The following CNTN5 variants were observed in gnomAD, a reference collection of about 807,000 sequenced individuals.
CNTN5 encodes contactin-5.
Under a neutral mutation model 129.1 loss-of-function variants are expected in CNTN5, and 77 were observed. That is an observed-to-expected ratio of 0.60 (90% confidence interval 0.50 to 0.72). CNTN5 has a LOEUF of 0.72. Among genes scored for constraint, CNTN5 ranks in the 30% least tolerant of loss-of-function variants. The pLI is 0.00. For missense variants in CNTN5, 1,478 were observed against 1,328.8 expected, an observed-to-expected ratio of 1.11 and a Z score of -1.75; for synonymous variants, 509 against 465.6, an observed-to-expected ratio of 1.09 and a Z score of -1.20.
chr11:99,854,796 A>G (rs1947981603), intron 6 of CNTN5, among the ~76,000 whole-genome samples: 2 of 152,190 alleles, frequency 1.3e-5, no homozygotes, highest in African/African-American at 4.8e-5. Flanking sequence ...CAATAAAACC[A>G]TGGAAATGTT....
intron 13 of CNTN5, among the ~76,000 whole-genome samples, chr11:100,082,467 G>C (rs894566970): frequency 1.1e-4 from 16 of 152,078 alleles, no homozygotes; most frequent in African/African-American, 3.6e-4. Flanking sequence ...TTTTTAATTT[G>C]TTTTGGTAGA....
intron 1 of CNTN5, among the ~76,000 whole-genome samples, chr11:99,062,059 T>G (rs536771178): frequency 6.6e-6 from 1 of 152,042 alleles, no homozygotes; most frequent in African/African-American, 2.4e-5. Flanking sequence ...TGCCTCTTGA[T>G]TAAATTGGGC....
At chr11:99,314,260 T>C (rs1441457363) in intron 1 of CNTN5, among the ~76,000 whole-genome samples, 3 of 152,012 alleles carry the variant, frequency 2.0e-5, no homozygotes, top group Non-Finnish European at 4.4e-5. Flanking sequence ...TGCATACTGG[T>C]GTGTTATAAA....
intron 8 of CNTN5, among the ~76,000 whole-genome samples, chr11:99,973,861 A>G (rs2137318376): frequency 6.6e-6 from 1 of 152,350 alleles, no homozygotes; most frequent in East Asian, 1.9e-4. Flanking sequence ...GATATTTTGC[A>G]CATTTACCAT....
chr11:99,539,996 A>G (rs1247158251), intron 2 of CNTN5, among the ~76,000 whole-genome samples: 4 of 152,254 alleles, frequency 2.6e-5, no homozygotes, highest in Middle Eastern at 3.4e-3. Context: ...ATATGCAAAG[A>G]TGGTGAATTT....
At chr11:100,231,634 A>C (rs886179594) in intron 16 of CNTN5, among the ~76,000 whole-genome samples, 3 of 152,174 alleles carry the variant, frequency 2.0e-5, no homozygotes, top group Non-Finnish European at 4.4e-5. Flanking sequence ...GTGGTCCCCT[A>C]ATAGAGAATG....
chr11:100,214,273 C>T (rs1949095082), intron 15 of CNTN5, among the ~76,000 whole-genome samples: 1 of 152,118 alleles, frequency 6.6e-6, no homozygotes, highest in South Asian at 2.1e-4. Context: ...CCATAGAAAA[C>T]TGTGTATTTC....
At chr11:99,428,663 TAA>T (rs1282856723) in intron 2 of CNTN5, among the ~76,000 whole-genome samples, 1 of 151,860 alleles carries the variant, frequency 6.6e-6, no homozygotes, top group Non-Finnish European at 1.5e-5. Flanking sequence ...TTATCTAACA[TAA>T]TATAACTTCA....
At chr11:99,381,193 C>A (rs915681606) in intron 2 of CNTN5, among the ~76,000 whole-genome samples, 1 of 152,000 alleles carries the variant, frequency 6.6e-6, no homozygotes, top group African/African-American at 2.4e-5. Flanking sequence ...CTAATCACTG[C>A]GGTAAGTGCT....
Position 99,600,918 on chromosome 11 carries a change from G to A in CNTN5, c.55+44649G>A, listed in dbSNP as rs75055343. ...TCTAAGCATCTCTTCACTGAATTTC[G>A]TTGACACTGAACTTCTACTGTATCA... On this transcript the variant is annotated intron_variant, in intron 3 of 24. Coordinates refer to ENST00000524871, the MANE Select transcript of CNTN5 (RefSeq NM_014361.4). Among the ~76,000 whole-genome samples the A allele has an allele frequency of 5.5e-3, 832 of 152,166 alleles. 21 individuals are homozygous for A. The East Asian group carries it at 0.092, about 17-fold the overall frequency.
rs186260692 is a variant in CNTN5, at chr11:99,101,905, C to A, written c.-210+80635C>A. Among the ~76,000 whole-genome samples the A allele has an allele frequency of 6.6e-3, 1,003 of 152,280 alleles. 11 individuals are homozygous for A. The highest frequency in any genetic ancestry group is 0.023 in the African/African-American group (967 of 41,556). On this transcript the variant is annotated intron_variant, in intron 1 of 24. Transcript: ENST00000524871. ...AGGGACTCTGTGTGGGGGCATCAAT[C>A]CCACATTTGCCTTCTGCACTTCCCC...
At chr11:100,018,278 T>G (rs1346236498) in intron 9 of CNTN5, among the ~76,000 whole-genome samples, 1 of 151,914 alleles carries the variant, frequency 6.6e-6, no homozygotes, top group Non-Finnish European at 1.5e-5. Context: ...TATTAACATT[T>G]CTACATGTAC....
chr11:99,627,267 C>G lies in CNTN5; in HGVS notation c.55+70998C>G, dbSNP rs186245919. On this transcript the variant is annotated intron_variant, in intron 3 of 24. Coordinates refer to ENST00000524871, the MANE Select transcript of CNTN5 (RefSeq NM_014361.4). ...TAGCCCTTCCAACAGTTTTTAAAGC[C>G]TCTGTTTCTCCATATTGAACATTTC... Among the ~76,000 whole-genome samples, 42 of 152,204 alleles carry G rather than the reference C, an allele frequency of 2.8e-4. No homozygotes were observed. The East Asian group carries it at 4.3e-3, about 15-fold the overall frequency.
intron 2 of CNTN5, among the ~76,000 whole-genome samples, chr11:99,378,011 T>C (rs1940293980): frequency 6.6e-6 from 1 of 152,164 alleles, no homozygotes; most frequent in African/African-American, 2.4e-5. Context: ...AGTTCCTAGA[T>C]GGTTTAAAGA....
intron 2 of CNTN5, among the ~76,000 whole-genome samples, chr11:99,379,311 A>G (rs112995895): frequency 1.3e-5 from 2 of 151,240 alleles, no homozygotes; most frequent in African/African-American, 2.4e-5. Context: ...TTTTTATATT[A>G]TCTCTAACTT....
chr11:99,487,848 C>T (rs2135338337), intron 2 of CNTN5, among the ~76,000 whole-genome samples: 1 of 152,234 alleles, frequency 6.6e-6, no homozygotes. Flanking sequence ...AAGTTCTCTC[C>T]CAGTCACCTA....
chr11:99,817,212 T>C (rs1008363995), intron 3 of CNTN5, among the ~76,000 whole-genome samples: 1 of 152,246 alleles, frequency 6.6e-6, no homozygotes, highest in African/African-American at 2.4e-5. Flanking sequence ...CACATGTTTG[T>C]TGAATGAATG....
At chr11:100,038,653 T>G (rs1398645811) in intron 9 of CNTN5, among the ~76,000 whole-genome samples, 1 of 152,114 alleles carries the variant, frequency 6.6e-6, no homozygotes, top group Non-Finnish European at 1.5e-5. Context: ...TGGGTGCTCC[T>G]GTATTGGGTG....
intron 3 of CNTN5, among the ~76,000 whole-genome samples, chr11:99,730,239 C>T (rs1393330091): frequency 1.3e-5 from 2 of 152,336 alleles, no homozygotes; most frequent in Non-Finnish European, 2.9e-5. Context: ...TCTGCTGGAA[C>T]TGGCTTCTGA....
Sources: gnomAD v4.1 joint callset for allele counts (sites outside exome capture counted in the v4.1 genomes callset) on GRCh38, gnomAD v4.1.1 for gene constraint, MANE v1.5 for transcripts, NCBI Gene and HGNC (gene_info 2026-07-23, HGNC 2026-07-21) for gene names.